Variants in USP53 observed in about 807,000 individuals in gnomAD.
The protein encoded by USP53 is ubiquitin carboxyl-terminal hydrolase 53.
A neutral mutation model predicts 94.9 loss-of-function variants in USP53; 71 were observed. The observed-to-expected ratio is 0.75, with a 90% CI of 0.62 to 0.91. The LOEUF (loss-of-function observed/expected upper bound fraction) is 0.91, where lower values mean the gene tolerates loss of function less well. USP53 is among the 40% of genes least tolerant of loss of function. The pLI is 0.00. For synonymous variants in USP53, 375 were observed against 422.7 expected (o/e 0.89, Z 1.39); for missense variants, 1,173 against 1,281.0 (o/e 0.92, Z 1.29).
At chr4:119,243,326 C>T (rs1000959027) in intron 5 of USP53, among the ~76,000 whole-genome samples, 1 of 151,896 alleles carries the variant, frequency 6.6e-6, no homozygotes, top group African/African-American at 2.4e-5. Context: ...GGTGAAACCC[C>T]GTCTCTACCA....
In USP53 at chr4:119,271,320, A is replaced by G; in HGVS notation, c.1460A>G (p.His487Arg). 6.4e-7 allele frequency: 1 copy of G among 1,565,582 alleles called. No homozygotes were observed. The highest frequency in any genetic ancestry group is 8.6e-7 in the Non-Finnish European group (1 of 1,161,608). Residue 487 changes from histidine (H) to arginine (R), a missense_variant, in exon 16 of 19, where the codon CAT (histidine) becomes CGT (arginine). Transcript: ENST00000692078. ...HRDLVDEDLS[H>R]FQSGSPPAPN... The stretch of plus-strand genomic sequence containing the variant: ...GATTTGGTTGATGAAGACCTTTCAC[A>G]TTTCCAATCTGGATCACCTCCTGCC...
At chr4:119,280,662 T>C (rs1164422126) in intron 17 of USP53, among the ~76,000 whole-genome samples, 1 of 152,142 alleles carries the variant, frequency 6.6e-6, no homozygotes, top group Non-Finnish European at 1.5e-5. Flanking sequence ...GGAAACTCTA[T>C]CAGGATAGGT....
rs1228943778 is a variant in USP53, at chr4:119,271,388, A to G, written c.1528A>G (p.Ser510Gly). The G allele has an allele frequency of 1.9e-6, 3 of 1,613,700 alleles. No individual in the cohort carries two copies. Among genetic ancestry groups the G allele is most frequent in the Non-Finnish European group, 2.5e-6 (3 of 1,179,942 alleles). Residue 510 changes from serine to glycine, a missense_variant, in exon 16 of 19, where the codon AGT (serine) becomes GGT (glycine). Coordinates refer to ENST00000692078, the MANE Select transcript of USP53 (RefSeq NM_001371395.1). ...ACATGGGAATCCACATCTATATCAT[A>G]GTCAAGGAAAAGGATCATATAAACA... ...KQHGNPHLYH[S>G]QGKGSYKHDR... is the part of the protein sequence containing the mutation.
At chr4:119,276,551 TAA>T (rs1449686001) in intron 17 of USP53, among the ~76,000 whole-genome samples, 2 of 150,018 alleles carry the variant, frequency 1.3e-5, no homozygotes, top group Non-Finnish European at 3.0e-5. Flanking sequence ...GATATTGGTC[TAA>T]AATTCTCTTT....
chr4:119,273,573 A>G, intron 16 of USP53, 59 bp from the exon 17 acceptor site: 2 of 1,053,480 alleles, frequency 1.9e-6, no homozygotes, highest in Non-Finnish European at 2.8e-6. Context: ...GTTTTTTTTT[A>G]GACTAAACAA....
chr4:119,245,501 C>A, intron 6 of USP53, 72 bp downstream of exon 6: 1 of 1,328,214 alleles, frequency 7.5e-7, no homozygotes, highest in South Asian at 1.2e-5. Flanking sequence ...TATATTGGGT[C>A]AGTTTGTTGT....
chr4:119,256,297 G>C lies in USP53; in HGVS notation c.424G>C (p.Asp142His). ...HFHIVPSRDA[D>H]MCTSKSCITH... is the part of the protein sequence containing the mutation. ...TCACATAGTGCCAAGCAGAGATGCA[G>C]ACATGTGTACCTCTAAATCTTGTAT... Residue 142 changes from aspartate to histidine, a missense_variant, in exon 8 of 19, where the codon GAC becomes CAC. Coordinates refer to ENST00000692078, the MANE Select transcript of USP53 (RefSeq NM_001371395.1). 1.9e-6 allele frequency: 3 copies of C among 1,613,934 alleles called. No individual in the cohort carries two copies. The highest frequency in any genetic ancestry group is 2.5e-6 in the Non-Finnish European group (3 of 1,179,952).
At chr4:119,259,241 A>G (rs958018078) in intron 9 of USP53, among the ~76,000 whole-genome samples, 11 of 145,874 alleles carry the variant, frequency 7.5e-5, no homozygotes, top group African/African-American at 2.8e-4. Context: ...AGATTGCACC[A>G]TTGCACTCCA....
At chr4:119,260,393 TA>T (rs1750348594) in intron 10 of USP53, 113 bp from the exon 11 acceptor site, 1 of 778,618 alleles carries the variant, frequency 1.3e-6, no homozygotes, top group Non-Finnish European at 1.8e-6. Flanking sequence ...CAATTTTTAG[TA>T]TACTGAATAA....
chr4:119,241,163 C>T (rs749545139), intron 5 of USP53, among the ~76,000 whole-genome samples: 20 of 152,064 alleles, frequency 1.3e-4, no homozygotes, highest in Admixed American at 3.9e-4. Context: ...AAACAAAACG[C>T]ATATTAGAAC....
chr4:119,228,348 A>T (rs1242034789), intron 3 of USP53, among the ~76,000 whole-genome samples: 1 of 152,186 alleles, frequency 6.6e-6, no homozygotes. Flanking sequence ...CAGCAATGGC[A>T]CATCAAGTCT....
At chr4:119,248,649 T>G in intron 6 of USP53, 99 bp from the exon 7 acceptor site, 1 of 1,410,376 alleles carries the variant, frequency 7.1e-7, no homozygotes, top group East Asian at 2.4e-5. Context: ...TGTATTATTT[T>G]CCAAGTATAG....
At position 119,245,386 on chromosome 4, in the gene USP53, G is replaced by T. The variant is rs764793827; in HGVS notation, c.194G>T (p.Gly65Val). 6.2e-7 allele frequency: 1 copy of T among 1,613,872 alleles called. No individual in the cohort carries two copies. Among genetic ancestry groups the T allele is most frequent in the South Asian group, 1.1e-5 (1 of 91,078 alleles). ...CGACGAAGCTTGCGGGTTTTGACTG[G>T]ACATGTTTGTCAGGGAGATGCCTGT... ...IFRRSLRVLT[G>V]HVCQGDACIF... Residue 65 changes from glycine (G) to valine (V), a missense_variant, in exon 6 of 19, where the codon GGA (glycine) becomes GTA (valine). Gly to Val is a moderately radical substitution (Grantham distance 109). Transcript: ENST00000692078.
chr4:119,250,187 G>C (rs953966), intron 7 of USP53, among the ~76,000 whole-genome samples: 115,135 of 151,848 alleles, frequency 0.76, 43,658 homozygotes, highest in Non-Finnish European at 0.78. Flanking sequence ...CTTGTTTATA[G>C]TCCTTATTTA....
chr4:119,291,166 C>CGT lies in USP53; in HGVS notation c.2253_2254insGT (p.Phe752ValfsTer26). The CGT allele has an allele frequency of 1.1e-6, 1 of 935,386 alleles. No homozygotes were observed. The highest frequency in any genetic ancestry group is 1.5e-6 in the Non-Finnish European group (1 of 648,050). 57.9% of individuals were successfully genotyped at this position (935,386 alleles called of 1,614,324 possible). On this transcript the variant is annotated frameshift_variant and splice_region_variant, in exon 18 of 19. Coordinates refer to ENST00000692078, the MANE Select transcript of USP53 (RefSeq NM_001371395.1). LOFTEE classifies it high-confidence loss of function. ...TCTCCCCACCCCACCCAACCCTAGGCTTTAGAAAAGAACTCAGGAATTTGG... is the reference window on the plus strand; with the variant it reads ...TCTCCCCACCCCACCCAACCCTAGGCGTTTTAGAAAAGAACTCAGGAATTTGG...
intron 5 of USP53, 96 bp from the exon 6 acceptor site, chr4:119,245,241 C>A: frequency 9.3e-7 from 1 of 1,079,300 alleles, no homozygotes; most frequent in Non-Finnish European, 1.4e-6. Flanking sequence ...GTTACTTGTT[C>A]GCCTTTTGCA....
intron 3 of USP53, among the ~76,000 whole-genome samples, chr4:119,229,377 C>A (rs928721247): frequency 2.6e-5 from 4 of 152,088 alleles, no homozygotes; most frequent in African/African-American, 7.2e-5. Flanking sequence ...ACTTGAAAAT[C>A]CATTATGTCC....
chr4:119,281,838 TCTAA>T (rs1356966285), intron 17 of USP53, among the ~76,000 whole-genome samples: 3 of 152,152 alleles, frequency 2.0e-5, no homozygotes, highest in African/African-American at 4.8e-5. Flanking sequence ...AATTTGCCAT[TCTAA>T]CTATTTTTAA....
chr4:119,287,660 GA>G (rs1189251228), intron 17 of USP53, among the ~76,000 whole-genome samples: 2 of 152,162 alleles, frequency 1.3e-5, no homozygotes, highest in African/African-American at 4.8e-5. Context: ...GGAGAATGCA[GA>G]AAAACTTACT....
Sources: gnomAD v4.1 joint callset for allele counts (sites outside exome capture counted in the v4.1 genomes callset) on GRCh38, gnomAD v4.1.1 for gene constraint, MANE v1.5 for transcripts, NCBI Gene and HGNC (gene_info 2026-07-23, HGNC 2026-07-21) for gene names.